Variants in DSCAM observed in about 807,000 individuals in gnomAD.
The protein encoded by DSCAM is cell adhesion molecule DSCAM.
A neutral mutation model predicts 217.7 loss-of-function variants in DSCAM; 47 were observed. The observed-to-expected ratio is 0.22, with a 90% CI of 0.17 to 0.28. DSCAM has a LOEUF of 0.28. Among genes scored for constraint, DSCAM ranks in the 10% least tolerant of loss-of-function variants. The pLI is 1.00. For missense variants in DSCAM, 2,080 were observed against 2,618.3 expected, an observed-to-expected ratio of 0.79 and a Z score of 4.49; for synonymous variants, 1,056 against 1,015.3, an observed-to-expected ratio of 1.04 and a Z score of -0.76.
At chr21:40,399,454 A>C (rs2075213787) in intron 3 of DSCAM, among the ~76,000 whole-genome samples, 1 of 152,192 alleles carries the variant, frequency 6.6e-6, no homozygotes, top group Non-Finnish European at 1.5e-5. Flanking sequence ...CCACCTACTT[A>C]AACTGGAGAG....
At chr21:40,652,886 G>A (rs1317851263) in intron 3 of DSCAM, among the ~76,000 whole-genome samples, 1 of 152,140 alleles carries the variant, frequency 6.6e-6, no homozygotes, top group African/African-American at 2.4e-5. Flanking sequence ...TTGAACCTCT[G>A]GAGGAGGGGT....
At chr21:40,027,248 T>A (rs1309669914) in intron 32 of DSCAM, among the ~76,000 whole-genome samples, 2 of 152,424 alleles carry the variant, frequency 1.3e-5, no homozygotes, top group East Asian at 3.9e-4. Context: ...AGAGATCCAC[T>A]GTTAGTCTGA....
intron 1 of DSCAM, among the ~76,000 whole-genome samples, chr21:40,782,245 A>T (rs1376350467): frequency 6.6e-6 from 1 of 151,978 alleles, no homozygotes; most frequent in Non-Finnish European, 1.5e-5. Context: ...CTCCAAGCCC[A>T]ACTCCAATGG....
intron 3 of DSCAM, among the ~76,000 whole-genome samples, chr21:40,607,111 T>C (rs2146271363): frequency 6.6e-6 from 1 of 152,362 alleles, no homozygotes; most frequent in Admixed American, 6.5e-5. Flanking sequence ...GTCCCACCAC[T>C]GAGTCATTTT....
At chr21:40,464,342 A>G (rs2145954592) in intron 3 of DSCAM, among the ~76,000 whole-genome samples, 1 of 152,300 alleles carries the variant, frequency 6.6e-6, no homozygotes, top group South Asian at 2.1e-4. Flanking sequence ...AGATAAATAA[A>G]CTAGGTAGCA....
chr21:40,282,035 T>A (rs1457289449), intron 10 of DSCAM, among the ~76,000 whole-genome samples: 1 of 152,242 alleles, frequency 6.6e-6, no homozygotes, highest in Non-Finnish European at 1.5e-5. Context: ...TTAAAGAATT[T>A]GGCTTTTATA....
At chr21:40,595,767 T>C (rs1464852044) in intron 3 of DSCAM, among the ~76,000 whole-genome samples, 1 of 152,244 alleles carries the variant, frequency 6.6e-6, no homozygotes. Flanking sequence ...AATCCATTTT[T>C]AAAAGAAAGG....
chr21:40,779,932 T>C (rs917020317), intron 1 of DSCAM, among the ~76,000 whole-genome samples: 4 of 152,208 alleles, frequency 2.6e-5, no homozygotes, highest in African/African-American at 9.7e-5. Context: ...GATTTATATA[T>C]ACAGCTATAT....
At chr21:40,615,274 T>A (rs2089374423) in intron 3 of DSCAM, 1 of 126,728 alleles carries the variant, frequency 7.9e-6, no homozygotes. Context: ...AGAGAGAGAC[T>A]CTGTCTCAAA....
intron 11 of DSCAM, among the ~76,000 whole-genome samples, chr21:40,209,909 T>A (rs941991351): frequency 6.6e-6 from 1 of 152,210 alleles, no homozygotes; most frequent in African/African-American, 2.4e-5. Flanking sequence ...CAGTATGATA[T>A]CCTCTCACTT....
intron 3 of DSCAM, among the ~76,000 whole-genome samples, chr21:40,541,901 A>G (rs1417134617): frequency 6.6e-6 from 1 of 152,214 alleles, no homozygotes; most frequent in Admixed American, 6.5e-5. Context: ...TAGATGTGGC[A>G]ACGCCTCTAA....
chr21:40,683,881 A>G (rs1182853389), intron 3 of DSCAM, among the ~76,000 whole-genome samples: 1 of 152,130 alleles, frequency 6.6e-6, no homozygotes, highest in African/African-American at 2.4e-5. Context: ...CTCTTCAGCT[A>G]TACAGACGCG....
At chr21:40,059,858 C>G (rs914965826) in intron 28 of DSCAM, among the ~76,000 whole-genome samples, 1 of 152,150 alleles carries the variant, frequency 6.6e-6, no homozygotes, top group African/African-American at 2.4e-5. Flanking sequence ...AACAGCAACA[C>G]AGACCAGGGG....
At chr21:40,586,274 T>G (rs186977643) in intron 3 of DSCAM, among the ~76,000 whole-genome samples, 2 of 152,360 alleles carry the variant, frequency 1.3e-5, no homozygotes, top group East Asian at 3.9e-4. Flanking sequence ...GGCACCATGC[T>G]TCTTGTACAA....
At chr21:40,569,998 G>A (rs2076793856) in intron 3 of DSCAM, among the ~76,000 whole-genome samples, 1 of 152,182 alleles carries the variant, frequency 6.6e-6, no homozygotes, top group Non-Finnish European at 1.5e-5. Flanking sequence ...GAGTGCAGGA[G>A]AACTGAGGTG....
Position 40,123,787 on chromosome 21 carries a change from G to A in DSCAM, c.3696+408C>T, listed in dbSNP as rs1030201326. Among the ~76,000 whole-genome samples the A allele has an allele frequency of 5.4e-5, 8 of 147,472 alleles. No individual in the cohort carries two copies. The East Asian group carries it at 1.7e-3, about 31-fold the overall frequency. ...AGGGATAGGGTGGGAGGGAAGGAAG[G>A]AGGGAGGGAAGGAGGGAGGGAGGGA... On this transcript the variant is annotated intron_variant, in intron 20 of 32. Coordinates refer to ENST00000400454, the MANE Select transcript of DSCAM (RefSeq NM_001389.5).
At chr21:40,080,389 G>A in intron 24 of DSCAM, 49 bp from the exon 25 acceptor site, 1 of 1,469,890 alleles carries the variant, frequency 6.8e-7, no homozygotes, top group East Asian at 2.4e-5. Context: ...TGCTTTCTAT[G>A]GGAAGTGGAC....
At chr21:40,164,680 T>C (rs2090575005) in intron 16 of DSCAM, among the ~76,000 whole-genome samples, 1 of 152,090 alleles carries the variant, frequency 6.6e-6, no homozygotes, top group African/African-American at 2.4e-5. Flanking sequence ...CACATGCCTG[T>C]AATCCCAGCT....
At chr21:40,126,810 TAC>T in intron 19 of DSCAM, among the ~76,000 whole-genome samples, 1 of 152,216 alleles carries the variant, frequency 6.6e-6, no homozygotes, top group Non-Finnish European at 1.5e-5. Context: ...TGATCTATCT[TAC>T]ACAGTCTTTC....
Sources: gnomAD v4.1 joint callset for allele counts (sites outside exome capture counted in the v4.1 genomes callset) on GRCh38, gnomAD v4.1.1 for gene constraint, MANE v1.5 for transcripts, NCBI Gene and HGNC (gene_info 2026-07-23, HGNC 2026-07-21) for gene names.